ELL: variants seen among roughly 807,000 people sequenced by gnomAD.
ELL encodes the protein elongation factor for RNA polymerase II.
A neutral mutation model predicts 64.0 loss-of-function variants in ELL; 18 were observed. That is an observed-to-expected ratio of 0.28 (90% CI 0.19 to 0.42). The LOEUF is 0.42. Ranked by LOEUF, ELL falls within the 10% of genes least tolerant of loss-of-function variation. The pLI, the probability that ELL is intolerant of heterozygous loss-of-function variation, is 1.00. For synonymous variants in ELL, 399 were observed against 376.2 expected, an observed-to-expected ratio of 1.06 and a Z score of -0.70; for missense variants, 797 against 870.4, an observed-to-expected ratio of 0.92 and a Z score of 1.06.
At chr19:18,473,114 G>A in intron 1 of ELL, 5 of 677,100 alleles carry the variant, frequency 7.4e-6, no homozygotes, top group South Asian at 6.2e-5. Flanking sequence ...ACACATGACA[G>A]GTAAGAATGG....
chr19:18,471,181 T>C (rs1026471045), intron 2 of ELL: 15 of 365,810 alleles, frequency 4.1e-5, no homozygotes, highest in African/African-American at 2.8e-4. Context: ...AAGACCAGCC[T>C]GGACAACATA....
At chr19:18,459,799 TAC>T (rs1440105004) in intron 5 of ELL, among the ~76,000 whole-genome samples, 7 of 146,962 alleles carry the variant, frequency 4.8e-5, no homozygotes, top group African/African-American at 1.5e-4. Context: ...GTGCTGGGAT[TAC>T]AGGCGTGAGC....
In ELL at chr19:18,450,535, C is replaced by A. The variant is rs1260528032; in HGVS notation, c.1407G>T (p.Gln469His). The A allele has an allele frequency of 6.2e-7, 1 of 1,613,184 alleles. No individual in the cohort carries two copies. Among genetic ancestry groups the A allele is most frequent in the African/African-American group, 1.3e-5 (1 of 74,932 alleles). Residue 469 changes from glutamine to histidine, a missense_variant, in exon 8 of 12, where the codon CAG becomes CAT. Coordinates refer to ENST00000262809, the MANE Select transcript of ELL (RefSeq NM_006532.4). ...ERAAEDKPRA[Q>H]LPDCAPATHA... is the part of the protein sequence containing the mutation. ...GGGTGGCAGGTGCACAGTCTGGAAG[C>A]TGGGCCCGGGGCTTGTCCTCAGCCG...
intron 10 of ELL, 181 bp from the exon 11 acceptor site, chr19:18,445,449 G>C (rs1469140170): frequency 1.7e-6 from 1 of 602,180 alleles, no homozygotes; most frequent in East Asian, 3.0e-5. Flanking sequence ...TGGGGCATGA[G>C]GGAAAGGCTG....
intron 5 of ELL, among the ~76,000 whole-genome samples, chr19:18,459,614 G>A (rs1304304917): frequency 6.6e-6 from 1 of 151,594 alleles, no homozygotes; most frequent in East Asian, 1.9e-4. Flanking sequence ...CCGCCTCCCG[G>A]GTTCACGCCA....
intron 6 of ELL, among the ~76,000 whole-genome samples, chr19:18,453,523 A>G (rs1445262911): frequency 6.6e-6 from 1 of 152,150 alleles, no homozygotes; most frequent in East Asian, 1.9e-4. Flanking sequence ...ACCAAACAAA[A>G]AACAAACAAC....
At chr19:18,517,148 T>C (rs1017993006) in intron 1 of ELL, among the ~76,000 whole-genome samples, 2 of 152,130 alleles carry the variant, frequency 1.3e-5, no homozygotes, top group African/African-American at 4.8e-5. Context: ...TGAGTAACAC[T>C]GTCCTGGAAG....
intron 1 of ELL, among the ~76,000 whole-genome samples, chr19:18,475,083 C>T (rs2144933603): frequency 6.6e-6 from 1 of 152,250 alleles, no homozygotes; most frequent in South Asian, 2.1e-4. Flanking sequence ...GAGATTGCAC[C>T]ACTGCACTCC....
At chr19:18,505,471 T>C (rs1975863183) in intron 1 of ELL, among the ~76,000 whole-genome samples, 1 of 152,174 alleles carries the variant, frequency 6.6e-6, no homozygotes, top group Admixed American at 6.5e-5. Flanking sequence ...GGCAGGGCCA[T>C]AGTACCTGTG....
chr19:18,509,596 CATACACACACACACACA>C (rs1568399739), intron 1 of ELL, among the ~76,000 whole-genome samples: 21 of 39,980 alleles, frequency 5.3e-4, no homozygotes. Flanking sequence ...CGCGCGCGCA[CATACACACACACACACA>C]CACACACACA....
intron 6 of ELL, among the ~76,000 whole-genome samples, chr19:18,453,313 G>A (rs1025400278): frequency 3.9e-5 from 6 of 152,186 alleles, no homozygotes; most frequent in Non-Finnish European, 7.4e-5. Context: ...GCCAGTTTTC[G>A]TGTCCTTGGA....
At chr19:18,495,061 G>C (rs1009384481) in intron 1 of ELL, among the ~76,000 whole-genome samples, 2 of 152,208 alleles carry the variant, frequency 1.3e-5, no homozygotes, top group African/African-American at 2.4e-5. Flanking sequence ...ATCAGCCAAG[G>C]AGACAGATGT....
intron 1 of ELL, among the ~76,000 whole-genome samples, chr19:18,508,082 C>T (rs1975923974): frequency 6.6e-6 from 1 of 152,182 alleles, no homozygotes; most frequent in Non-Finnish European, 1.5e-5. Flanking sequence ...GATGCAGTCC[C>T]TGAGAAAAAC....
At chr19:18,464,078 T>C (rs1974888765) in intron 4 of ELL, among the ~76,000 whole-genome samples, 1 of 151,762 alleles carries the variant, frequency 6.6e-6, no homozygotes, top group Non-Finnish European at 1.5e-5. Context: ...TTTATTAACA[T>C]GTATATGGGG....
intron 1 of ELL, among the ~76,000 whole-genome samples, chr19:18,510,486 G>A (rs1307241579): frequency 1.3e-5 from 2 of 152,160 alleles, no homozygotes; most frequent in East Asian, 1.9e-4. Flanking sequence ...TTCCCTCACT[G>A]CAGAGCCACA....
intron 1 of ELL, among the ~76,000 whole-genome samples, chr19:18,493,595 C>T (rs1368259677): frequency 6.6e-6 from 1 of 152,244 alleles, no homozygotes; most frequent in Non-Finnish European, 1.5e-5. Context: ...AGGCAAGGCA[C>T]GCAGAACGAC....
intron 6 of ELL, among the ~76,000 whole-genome samples, chr19:18,455,958 C>A (rs570456692): frequency 1.1e-4 from 16 of 152,010 alleles, no homozygotes; most frequent in African/African-American, 3.6e-4. Context: ...ATTAGCCGGG[C>A]ATGGTGCGCA....
intron 1 of ELL, among the ~76,000 whole-genome samples, chr19:18,484,379 C>T (rs760407583): frequency 2.6e-5 from 4 of 152,152 alleles, no homozygotes; most frequent in East Asian, 1.9e-4. Context: ...GCAAGAAAAT[C>T]GCTTGAACCT....
intron 1 of ELL, among the ~76,000 whole-genome samples, chr19:18,494,465 C>T (rs537638232): frequency 1.3e-5 from 2 of 151,990 alleles, no homozygotes; most frequent in African/African-American, 2.4e-5. Flanking sequence ...GCGATCTCTG[C>T]TCACTGCAGC....
Sources: gnomAD v4.1 joint callset for allele counts (sites outside exome capture counted in the v4.1 genomes callset) on GRCh38, gnomAD v4.1.1 for gene constraint, MANE v1.5 for transcripts, NCBI Gene and HGNC (gene_info 2026-07-23, HGNC 2026-07-21) for gene names.